NPAS3: variants seen among roughly 807,000 people sequenced by gnomAD.
NPAS3 encodes neuronal PAS domain-containing protein 3.
NPAS3 carries 14 observed loss-of-function variants against 73.1 expected under a neutral mutation model. The observed-to-expected ratio is 0.19, with a 90% confidence interval of 0.13 to 0.30. The LOEUF (loss-of-function observed/expected upper bound fraction) is 0.30. Among genes scored for constraint, NPAS3 ranks in the 10% least tolerant of loss-of-function variants. The pLI is 1.00. For missense variants in NPAS3, 1,096 were observed against 1,250.0 expected, an observed-to-expected ratio of 0.88 and a Z score of 1.86; for synonymous variants, 620 against 541.5, an observed-to-expected ratio of 1.14 and a Z score of -2.01.
chr14:33,599,855 AAAG>A (rs767254507), intron 5 of NPAS3, among the ~76,000 whole-genome samples: 31 of 152,320 alleles, frequency 2.0e-4, no homozygotes, highest in Non-Finnish European at 3.1e-4. Flanking sequence ...AGGAGCAACA[AAAG>A]AAGGCCCTTT....
Position 33,239,578 on chromosome 14 carries a change from T to A in NPAS3, c.385+24152T>A, listed in dbSNP as rs185720693. On this transcript the variant is annotated intron_variant, in intron 3 of 11. Coordinates refer to ENST00000356141, the Ensembl canonical transcript of NPAS3. ...AGACAAGATCATTTTCTACAAATTTTCTGTCATGTTTCACCTTGGTAATCT... is the reference window on the plus strand; with the variant it reads ...AGACAAGATCATTTTCTACAAATTTACTGTCATGTTTCACCTTGGTAATCT... 1.9e-3 allele frequency among the ~76,000 whole-genome samples: 286 copies of A among 152,026 alleles called. 1 individual carries two copies. The highest frequency in any genetic ancestry group is 6.5e-3 in the African/African-American group (269 of 41,540).
intron 9 of NPAS3, among the ~76,000 whole-genome samples, chr14:33,783,002 T>C (rs971078037): frequency 1.3e-5 from 2 of 152,186 alleles, no homozygotes; most frequent in Non-Finnish European, 2.9e-5. Context: ...GACTGCTTAA[T>C]GCGGGACTAA....
In NPAS3 at chr14:33,793,419, G is replaced by A. The variant is rs8005769; in HGVS notation, c.1154-478G>A. 4.4e-3 allele frequency among the ~76,000 whole-genome samples: 672 copies of A among 152,264 alleles called. 11 individuals are homozygous for A. Among genetic ancestry groups the A allele is most frequent in the African/African-American group, 0.015 (633 of 41,532 alleles). On this transcript the variant is annotated intron_variant, in intron 9 of 11. Transcript: ENST00000356141. ...AAAAGGAACAGACATATAAGGACGC[G>A]GGTTGAGATTGCTCACACGGAGGAG...
At chr14:33,115,243 T>C (rs868276252) in intron 2 of NPAS3, among the ~76,000 whole-genome samples, 10 of 152,130 alleles carry the variant, frequency 6.6e-5, no homozygotes, top group Non-Finnish European at 1.3e-4. Context: ...TTTGGGACTT[T>C]TGAGAGAAAC....
rs549881899 is a variant in NPAS3, at chr14:33,486,681, C to G, written c.469-73440C>G. ...GCTCGGTCAGAGTACATTCTAACAA[C>G]CCAACACCTGTGACCCAGCATGCTG... On this transcript the variant is annotated intron_variant, in intron 4 of 11. Coordinates refer to ENST00000356141, the Ensembl canonical transcript of NPAS3. Among the ~76,000 whole-genome samples the G allele has an allele frequency of 2.6e-4, 39 of 152,300 alleles. 1 individual carries two copies. In the East Asian group the frequency reaches 7.0e-3, roughly 27 times the overall value.
chr14:32,982,516 C>A (rs1262309736), intron 1 of NPAS3, among the ~76,000 whole-genome samples: 3 of 152,038 alleles, frequency 2.0e-5, no homozygotes, highest in African/African-American at 7.2e-5. Context: ...TTGAGACCAA[C>A]CTGGGCAACA....
intron 3 of NPAS3, among the ~76,000 whole-genome samples, chr14:33,325,724 T>C (rs2043672899): frequency 6.7e-6 from 1 of 149,668 alleles, no homozygotes; most frequent in Non-Finnish European, 1.5e-5. Flanking sequence ...TCTTATTCAT[T>C]CTATCTGGGT....
intron 3 of NPAS3, among the ~76,000 whole-genome samples, chr14:33,256,974 A>G (rs2048800589): frequency 1.3e-5 from 2 of 152,160 alleles, no homozygotes; most frequent in African/African-American, 4.8e-5. Context: ...AGCAGACTTG[A>G]GTTCATAAAT....
rs527566093 is a variant in NPAS3 at position 33,528,959 on chromosome 14, T to C, written c.469-31162T>C. Among the ~76,000 whole-genome samples, 47 of 152,244 alleles carry C rather than the reference T, an allele frequency of 3.1e-4. 2 individuals are homozygous for C. The South Asian group carries it at 9.1e-3, about 30-fold the overall frequency. On this transcript the variant is annotated intron_variant, in intron 4 of 11. Coordinates refer to ENST00000356141, the Ensembl canonical transcript of NPAS3. ...TTTCTTTTAGTTTTTCGAGGTCATA[T>C]AGTTGATGTGAGGCATCCTAAATTC...
chr14:33,684,138 T>C (rs1248217374), intron 6 of NPAS3, among the ~76,000 whole-genome samples: 3 of 151,770 alleles, frequency 2.0e-5, no homozygotes, highest in East Asian at 3.9e-4. Flanking sequence ...CTGGTAGGAA[T>C]TGAACCAGAG....
intron 3 of NPAS3, among the ~76,000 whole-genome samples, chr14:33,235,484 T>C (rs1454098319): frequency 6.6e-6 from 1 of 152,080 alleles, no homozygotes; most frequent in African/African-American, 2.4e-5. Context: ...TCTTATTCCT[T>C]CCTTGACGAA....
At chr14:33,545,282 G>A (rs2139664238) in intron 4 of NPAS3, among the ~76,000 whole-genome samples, 1 of 152,124 alleles carries the variant, frequency 6.6e-6, no homozygotes, top group Middle Eastern at 3.4e-3. Context: ...ACACTTCCAA[G>A]TGTATTTTTC....
At chr14:33,225,227 A>C (rs1039013258) in intron 3 of NPAS3, among the ~76,000 whole-genome samples, 2 of 152,242 alleles carry the variant, frequency 1.3e-5, no homozygotes, top group African/African-American at 4.8e-5. Context: ...AAGACTTTAT[A>C]ACTGAACTAT....
intron 3 of NPAS3, among the ~76,000 whole-genome samples, chr14:33,318,456 T>C (rs1490881808): frequency 6.6e-6 from 1 of 152,136 alleles, no homozygotes; most frequent in African/African-American, 2.4e-5. Flanking sequence ...TACTGAACCA[T>C]ACACTTAAAA....
At chr14:33,406,157 T>C (rs2047657574) in intron 4 of NPAS3, among the ~76,000 whole-genome samples, 1 of 152,156 alleles carries the variant, frequency 6.6e-6, no homozygotes, top group Non-Finnish European at 1.5e-5. Flanking sequence ...CCTTTCTCCT[T>C]GGAACATAAC....
rs137989004 is a variant in NPAS3 at position 33,459,271 on chromosome 14, G to A, written c.468+92003G>A. Reference sequence around the variant, plus strand: ...TTTGAACGCATGACCATCTGGGAATGCAGCTCAGTAGATCTCAGCCTTATT... The same window carrying A: ...TTTGAACGCATGACCATCTGGGAATACAGCTCAGTAGATCTCAGCCTTATT... On this transcript the variant is annotated intron_variant, in intron 4 of 11. Coordinates refer to ENST00000356141, the Ensembl canonical transcript of NPAS3. Among the ~76,000 whole-genome samples the A allele has an allele frequency of 9.9e-3, 1,513 of 152,266 alleles. 44 individuals are homozygous for A. Among genetic ancestry groups the A allele is most frequent in the Admixed American group, 0.063 (958 of 15,296 alleles).
At chr14:33,611,720 GC>G (rs1359724405) in intron 5 of NPAS3, among the ~76,000 whole-genome samples, 2 of 152,068 alleles carry the variant, frequency 1.3e-5, no homozygotes, top group African/African-American at 4.8e-5. Flanking sequence ...CTAATTTTTT[GC>G]CTGTAAAAAT....
rs73265093 is a variant in NPAS3 at position 33,508,378 on chromosome 14, G to C, written c.469-51743G>C. Among the ~76,000 whole-genome samples, 194 of 152,188 alleles carry C rather than the reference G, an allele frequency of 1.3e-3. 1 individual carries two copies. The highest frequency in any genetic ancestry group is 4.4e-3 in the African/African-American group (184 of 41,560). On this transcript the variant is annotated intron_variant, in intron 4 of 11. Transcript: ENST00000356141. The stretch of plus-strand genomic sequence containing the variant: ...TTCCTCAGCACTATGAAGCAGTGAA[G>C]CAATGCCGAAAAGGGGGCTTAGGGG...
At chr14:33,020,907 C>T (rs1477986780) in intron 1 of NPAS3, among the ~76,000 whole-genome samples, 2 of 151,978 alleles carry the variant, frequency 1.3e-5, no homozygotes, top group East Asian at 1.9e-4. Flanking sequence ...ATTACAGGTG[C>T]GTGCCACCAC....
Sources: gnomAD v4.1 joint callset for allele counts (sites outside exome capture counted in the v4.1 genomes callset) on GRCh38, gnomAD v4.1.1 for gene constraint, MANE v1.5 for transcripts, NCBI Gene and HGNC (gene_info 2026-07-23, HGNC 2026-07-21) for gene names.